The following TMF1 variants were observed in gnomAD, a reference collection of about 807,000 sequenced individuals.
The protein encoded by TMF1 is TATA element modulatory factor.
TMF1 carries 71 observed loss-of-function variants against 126.5 expected under a neutral mutation model. The observed-to-expected ratio is 0.56, with a 90% CI of 0.46 to 0.68. The LOEUF (loss-of-function observed/expected upper bound fraction) is 0.68. Among genes scored for constraint, TMF1 ranks in the 30% least tolerant of loss-of-function variants. The probability of loss-of-function intolerance (pLI) is 0.00; values close to 1 mark genes in which losing one functional copy is unlikely to be tolerated. For missense variants in TMF1, 1,259 were observed against 1,253.2 expected (o/e 1.00, Z -0.07); for synonymous variants, 461 against 430.5 (o/e 1.07, Z -0.88).
intron 2 of TMF1, among the ~76,000 whole-genome samples, chr3:69,045,064 C>T (rs540081619): frequency 6.6e-6 from 1 of 152,290 alleles, no homozygotes; most frequent in Admixed American, 6.5e-5. Flanking sequence ...TTTAAAGCCT[C>T]TATATTTTAG....
chr3:69,038,756 G>T (rs763664049), intron 7 of TMF1, 36 bp from the exon 8 acceptor site: 1 of 1,596,856 alleles, frequency 6.3e-7, no homozygotes, highest in Admixed American at 1.8e-5. Context: ...AATGTTGCCA[G>T]TGATCAGATA....
chr3:69,034,760 C>A (rs897114522), intron 9 of TMF1, among the ~76,000 whole-genome samples: 1 of 152,094 alleles, frequency 6.6e-6, no homozygotes, highest in East Asian at 1.9e-4. Flanking sequence ...CATTAATAAG[C>A]GATTACAAAT....
intron 4 of TMF1, among the ~76,000 whole-genome samples, chr3:69,043,534 T>A (rs2091879018): frequency 6.6e-6 from 1 of 152,184 alleles, no homozygotes; most frequent in Non-Finnish European, 1.5e-5. Flanking sequence ...CTCTAACTCC[T>A]GGGCTCAAGT....
intron 1 of TMF1, 89 bp downstream of exon 1, chr3:69,051,856 G>T: frequency 7.0e-7 from 1 of 1,426,956 alleles, no homozygotes; most frequent in African/African-American, 1.5e-5. Flanking sequence ...TCTCAGCAAG[G>T]AAGGACCCCT....
intron 2 of TMF1, among the ~76,000 whole-genome samples, chr3:69,046,130 C>A (rs1239359517): frequency 6.6e-6 from 1 of 152,154 alleles, no homozygotes; most frequent in Non-Finnish European, 1.5e-5. Context: ...CATCCATCCA[C>A]ACTAAAAGTA....
In TMF1 at chr3:69,044,195, CA is replaced by C. The variant is rs2091882599; in HGVS notation, c.1451+296del. 2.6e-5 allele frequency among the ~76,000 whole-genome samples: 4 copies of C among 152,270 alleles called. No homozygotes were observed. The South Asian group carries it at 8.3e-4, about 32-fold the overall frequency. On this transcript the variant is annotated intron_variant, in intron 3 of 16. Transcript: ENST00000398559. ...TTTTCCCAATCAGCTCCTTATAGCA[CA>C]ACTGTGTTATTGATTAACACAGTTT...
At chr3:69,025,446 C>T (rs2107453753) in intron 15 of TMF1, 114 bp downstream of exon 15, 1 of 1,052,832 alleles carries the variant, frequency 9.5e-7, no homozygotes, top group East Asian at 2.5e-5. Flanking sequence ...CTTCACATGC[C>T]ACTATGTCAT....
chr3:69,023,052 A>C lies in TMF1; in HGVS notation c.*125T>G. ...TACATAGTGTAAAACAATTTTAAAA[A>C]AATTTTTACACTCTACAGTAAATCC... On this transcript the variant is annotated 3_prime_UTR_variant, in exon 17 of 17. Transcript: ENST00000398559. 1 of 877,018 alleles carries C rather than the reference A, an allele frequency of 1.1e-6. No individual in the cohort carries two copies. Among genetic ancestry groups the C allele is most frequent in the African/African-American group, 1.7e-5 (1 of 58,164 alleles). The allele number at this position is 877,018 out of a possible 1,614,324, so 54.3% of individuals were successfully genotyped here. A position where few individuals can be genotyped will look rare whatever the true frequency, so the allele number is the denominator to read the frequency against.
chr3:69,042,412 C>T (rs892641290), intron 5 of TMF1: 50 of 457,350 alleles, frequency 1.1e-4, no homozygotes, highest in African/African-American at 9.6e-4. Context: ...GAAAAATTCA[C>T]TATCAAATGT....
chr3:69,027,804 C>G, intron 13 of TMF1, 96 bp downstream of exon 13: 1 of 630,190 alleles, frequency 1.6e-6, no homozygotes, highest in Non-Finnish European at 2.7e-6. Context: ...GTTGGACAAG[C>G]TTGTTATAAA....
chr3:69,029,511 C>T (rs2091787833), intron 11 of TMF1, among the ~76,000 whole-genome samples: 1 of 151,030 alleles, frequency 6.6e-6, no homozygotes, highest in African/African-American at 2.4e-5. Flanking sequence ...GTGGTGGGAT[C>T]TTGGCTCACT....
At chr3:69,034,757 A>G (rs1487341668) in intron 9 of TMF1, among the ~76,000 whole-genome samples, 1 of 152,230 alleles carries the variant, frequency 6.6e-6, no homozygotes, top group Non-Finnish European at 1.5e-5. Flanking sequence ...AATCATTAAT[A>G]AGCGATTACA....
chr3:69,042,936 T>C (rs753547284), intron 4 of TMF1, 24 bp from the exon 5 acceptor site: 18 of 1,504,760 alleles, frequency 1.2e-5, no homozygotes, highest in Non-Finnish European at 1.6e-5. Context: ...AATCTGTGAA[T>C]ACCGTAAAGA....
rs915481655 is a variant in TMF1, at chr3:69,029,998, T to A, written c.2411A>T (p.Gln804Leu). The change falls in exon 11 of 17, where the codon CAG becomes CTG. Residue 804 changes from glutamine to leucine, a missense_variant. Physicochemically the swap from Gln to Leu is moderately radical, Grantham distance 113. Transcript: ENST00000398559. The part of the protein sequence containing the change: ...KNLSDRLGES[Q>L]TLLAAAVERE... The stretch of plus-strand genomic sequence containing the variant: ...CTCAACTGCTGCTGCCAGCAAGGTC[T>A]GGGATTCACCTGATTACAGGACAGA... 7 of 1,613,190 alleles carry A rather than the reference T, an allele frequency of 4.3e-6. No individual in the cohort carries two copies. The Admixed American group carries it at 5.0e-5, about 12-fold the overall frequency.
At chr3:69,023,451 T>C in intron 16 of TMF1, 131 bp from the exon 17 acceptor site, 2 of 769,604 alleles carry the variant, frequency 2.6e-6, no homozygotes, top group Non-Finnish European at 3.9e-6. Flanking sequence ...CTTTTAAAAA[T>C]TAAACTCACA....
At chr3:69,048,780 G>A (rs1379196377) in intron 1 of TMF1, 1 of 428,484 alleles carries the variant, frequency 2.3e-6, no homozygotes, top group Admixed American at 4.0e-5. Context: ...CACCTGAGAG[G>A]AAGGAGGAGC....
At chr3:69,024,918 T>C (rs763925831) in intron 15 of TMF1, 18 of 150,886 alleles carry the variant, frequency 1.2e-4, no homozygotes, top group African/African-American at 2.9e-4. Context: ...TTGAGCAGCA[T>C]GTCAGCACTC....
chr3:69,030,593 A>G (rs190692431), intron 10 of TMF1: 20 of 152,384 alleles, frequency 1.3e-4, no homozygotes, highest in Admixed American at 8.5e-4. Flanking sequence ...TCAGGAATAT[A>G]TAACAATCTA....
chr3:69,029,837 T>C lies in TMF1; in HGVS notation c.2572A>G (p.Lys858Glu), dbSNP rs2091789687. 1 of 1,612,920 alleles carries C rather than the reference T, an allele frequency of 6.2e-7. No homozygotes were observed. Among genetic ancestry groups the C allele is most frequent in the South Asian group, 1.1e-5 (1 of 90,900 alleles). Reference sequence around the variant, plus strand: ...CACCTATTGTTCTCATCCTCCAGTTTACACAGCCTATTTTTCTCTGATTCT... The same window carrying C: ...CACCTATTGTTCTCATCCTCCAGTTCACACAGCCTATTTTTCTCTGATTCT... Reference protein sequence around the residue: ...QLESEKNRLCKLEDENNRYQV... With the variant: ...QLESEKNRLCELEDENNRYQV... Residue 858 changes from lysine to glutamate, a missense_variant, in exon 11 of 17, where the codon AAA becomes GAA. Transcript: ENST00000398559.
Sources: allele counts gnomAD v4.1 joint callset (sites outside exome capture counted in the v4.1 genomes callset), GRCh38; gene constraint gnomAD v4.1.1; transcripts MANE v1.5; gene names NCBI Gene and HGNC (gene_info 2026-07-23, HGNC 2026-07-21).